DLG2: variants seen among roughly 807,000 people sequenced by gnomAD.
DLG2 encodes the protein discs large MAGUK scaffold protein 2.
DLG2 carries 45 observed loss-of-function variants against 132.5 expected under a neutral mutation model. That is an observed-to-expected ratio of 0.34 (90% confidence interval 0.27 to 0.44). DLG2 has a LOEUF of 0.44. Ranked by LOEUF, DLG2 falls within the 20% of genes least tolerant of loss-of-function variation. The probability of loss-of-function intolerance (pLI) is 1.00; values close to 1 mark genes in which losing one functional copy is unlikely to be tolerated. For synonymous variants in DLG2, 424 were observed against 419.6 expected, an observed-to-expected ratio of 1.01 and a Z score of -0.13; for missense variants, 1,045 against 1,196.9, an observed-to-expected ratio of 0.87 and a Z score of 1.87.
At chr11:84,049,382 A>G (rs1458053346) in intron 11 of DLG2, among the ~76,000 whole-genome samples, 2 of 151,800 alleles carry the variant, frequency 1.3e-5, no homozygotes, top group Non-Finnish European at 2.9e-5. Context: ...TTTCTTGTAC[A>G]TACAATTTCT....
At chr11:84,803,094 C>T (rs2075611369) in intron 6 of DLG2, among the ~76,000 whole-genome samples, 1 of 152,160 alleles carries the variant, frequency 6.6e-6, no homozygotes, top group South Asian at 2.1e-4. Flanking sequence ...CCACAGCGCC[C>T]GGCCCTTTTT....
chr11:84,882,371 G>A lies in DLG2; in HGVS notation c.357+229290C>T, dbSNP rs114592666. ...GACATGTTTATTTTCTTCTGGAATC[G>A]GGGAAAGTTTGGGATTTTCTTTTTT... On this transcript the variant is annotated intron_variant, in intron 6 of 27. Transcript: ENST00000376104. Among the ~76,000 whole-genome samples, 812 of 152,108 alleles carry A rather than the reference G, an allele frequency of 5.3e-3. 12 individuals carry two copies. Among genetic ancestry groups the A allele is most frequent in the African/African-American group, 0.018 (754 of 41,516 alleles).
At position 83,634,721 on chromosome 11, in the gene DLG2, C is replaced by T. The variant is rs867369877; in HGVS notation, c.1826-1396G>A. On this transcript the variant is annotated intron_variant, in intron 18 of 27. Coordinates refer to ENST00000376104, the MANE Select transcript of DLG2 (RefSeq NM_001142699.3). Reference sequence around the variant, plus strand: ...TAAAATGTAATTTCATTTCAACTTACTGGATATGTATTGATTAATGTAGGG... The same window carrying T: ...TAAAATGTAATTTCATTTCAACTTATTGGATATGTATTGATTAATGTAGGG... 2.1e-4 allele frequency among the ~76,000 whole-genome samples: 32 copies of T among 152,192 alleles called. No homozygotes were observed. In the Middle Eastern group the frequency reaches 0.024, roughly 113 times the overall value.
Position 85,379,550 on chromosome 11 carries a change from G to A in DLG2, c.41-94185C>T, listed in dbSNP as rs527238042. Among the ~76,000 whole-genome samples the A allele has an allele frequency of 1.3e-4, 20 of 152,280 alleles. 1 individual carries two copies. The South Asian group carries it at 4.1e-3, about 32-fold the overall frequency. On this transcript the variant is annotated intron_variant, in intron 3 of 27. Coordinates refer to ENST00000376104, the MANE Select transcript of DLG2 (RefSeq NM_001142699.3). The stretch of plus-strand genomic sequence containing the variant: ...AAACAAGTCTCTTCTTAGAGCTGGA[G>A]GATGTGCACTCTGGGATATAACAAA...
intron 6 of DLG2, among the ~76,000 whole-genome samples, chr11:84,565,964 T>TTA (rs1037496065): frequency 7.7e-4 from 116 of 151,402 alleles, no homozygotes; most frequent in Middle Eastern, 3.4e-3. Context: ...GATGAAGTTT[T>TTA]TTTTTTTTTT....
intron 6 of DLG2, among the ~76,000 whole-genome samples, chr11:84,628,616 A>G (rs2099626696): frequency 6.6e-6 from 1 of 152,070 alleles, no homozygotes; most frequent in Non-Finnish European, 1.5e-5. Flanking sequence ...AATGACCTCC[A>G]CCTGGATATA....
chr11:85,300,361 A>C (rs2079512885), intron 3 of DLG2, among the ~76,000 whole-genome samples: 1 of 152,178 alleles, frequency 6.6e-6, no homozygotes, highest in Admixed American at 6.5e-5. Context: ...AACAATCTTC[A>C]AAGATGTAGA....
intron 6 of DLG2, among the ~76,000 whole-genome samples, chr11:84,937,049 G>T (rs2154094756): frequency 6.6e-6 from 1 of 152,248 alleles, no homozygotes; most frequent in Non-Finnish European, 1.5e-5. Context: ...CTATTCAGGA[G>T]GCTAAGGCAG....
At chr11:85,116,126 C>G (rs2073538505) in intron 5 of DLG2, among the ~76,000 whole-genome samples, 1 of 151,886 alleles carries the variant, frequency 6.6e-6, no homozygotes. Context: ...TTTTTGCATG[C>G]AGAACTAAAA....
At chr11:84,412,858 A>G (rs1456622624) in intron 7 of DLG2, among the ~76,000 whole-genome samples, 1 of 152,192 alleles carries the variant, frequency 6.6e-6, no homozygotes, top group Non-Finnish European at 1.5e-5. Flanking sequence ...GATTTACCGG[A>G]AACCTCCAAG....
intron 7 of DLG2, among the ~76,000 whole-genome samples, chr11:84,396,958 T>C (rs184014684): frequency 1.3e-5 from 2 of 152,324 alleles, no homozygotes; most frequent in East Asian, 1.9e-4. Context: ...AAAGGTTTAA[T>C]AGTAAATGTC....
chr11:83,729,301 G>A (rs1309010391), intron 18 of DLG2, among the ~76,000 whole-genome samples: 1 of 152,170 alleles, frequency 6.6e-6, no homozygotes, highest in Middle Eastern at 3.2e-3. Context: ...CTAAGGAAGG[G>A]AAGTGGACCT....
At chr11:85,620,965 C>G (rs1206882421) in intron 2 of DLG2, among the ~76,000 whole-genome samples, 1 of 152,176 alleles carries the variant, frequency 6.6e-6, no homozygotes, top group Admixed American at 6.5e-5. Flanking sequence ...AGAGAGAAAT[C>G]AATGCCTCAT....
chr11:85,145,115 AT>A (rs60398427), intron 5 of DLG2, among the ~76,000 whole-genome samples: 83 of 148,062 alleles, frequency 5.6e-4, no homozygotes, highest in African/African-American at 1.9e-3. Context: ...AAGTTGTTTC[AT>A]TTTTTTTTTC....
chr11:83,639,789 T>TA (rs141488581), intron 18 of DLG2, among the ~76,000 whole-genome samples: 53,547 of 146,630 alleles, frequency 0.37, 10,623 homozygotes, highest in African/African-American at 0.55. Flanking sequence ...GGAGTAAAAT[T>TA]AAAAAAAAAA....
intron 21 of DLG2, among the ~76,000 whole-genome samples, chr11:83,522,094 G>C (rs969095777): frequency 6.6e-6 from 1 of 152,106 alleles, no homozygotes; most frequent in Non-Finnish European, 1.5e-5. Context: ...AATACTCGCT[G>C]GTCACCAGAT....
At chr11:83,568,718 A>G (rs1282835263) in intron 19 of DLG2, among the ~76,000 whole-genome samples, 1 of 152,188 alleles carries the variant, frequency 6.6e-6, no homozygotes, top group Non-Finnish European at 1.5e-5. Context: ...CAGTGGTGAC[A>G]GATGATACAG....
At chr11:85,357,351 C>T (rs2083786831) in intron 3 of DLG2, among the ~76,000 whole-genome samples, 1 of 149,144 alleles carries the variant, frequency 6.7e-6, no homozygotes, top group Admixed American at 6.8e-5. Flanking sequence ...CGCCACCATG[C>T]CCAGCTAATT....
chr11:85,011,139 T>A (rs1015968870), intron 6 of DLG2, among the ~76,000 whole-genome samples: 2 of 152,134 alleles, frequency 1.3e-5, no homozygotes, highest in African/African-American at 4.8e-5. Context: ...GCCTTGAGCA[T>A]TTTAACACCC....
Sources: gnomAD v4.1 joint callset for allele counts (sites outside exome capture counted in the v4.1 genomes callset) on GRCh38, gnomAD v4.1.1 for gene constraint, MANE v1.5 for transcripts, NCBI Gene and HGNC (gene_info 2026-07-23, HGNC 2026-07-21) for gene names.